CDK15: variants seen among roughly 807,000 people sequenced by gnomAD.
CDK15 encodes cyclin dependent kinase 15.
In CDK15, 62 loss-of-function variants were observed where a neutral mutation model predicts 60.3. The ratio of observed to expected loss-of-function variants is 1.03; its 90% CI spans 0.84 to 1.27. The LOEUF (loss-of-function observed/expected upper bound fraction) is 1.27. CDK15 is among the 50% of genes most tolerant of loss of function. The pLI is 0.00. For synonymous variants in CDK15, 194 were observed against 195.7 expected, an observed-to-expected ratio of 0.99 and a Z score of 0.07; for missense variants, 541 against 527.8, an observed-to-expected ratio of 1.03 and a Z score of -0.25.
chr2:201,847,584 C>T (rs1697726995), intron 9 of CDK15, 110 bp downstream of exon 9: 1 of 868,752 alleles, frequency 1.2e-6, no homozygotes. Context: ...ATATTAAGCC[C>T]TATATTAAGA....
At chr2:201,834,069 G>A in intron 7 of CDK15, 98 bp downstream of exon 7, 1 of 1,401,774 alleles carries the variant, frequency 7.1e-7, no homozygotes, top group Non-Finnish European at 9.6e-7. Flanking sequence ...GAAAACTGGA[G>A]GCCCAAGAAC....
chr2:201,883,239 C>A (rs1699343718), intron 12 of CDK15, among the ~76,000 whole-genome samples: 1 of 152,070 alleles, frequency 6.6e-6, no homozygotes, highest in South Asian at 2.1e-4. Flanking sequence ...TATTCTGTTT[C>A]CCCTTTGATC....
intron 10 of CDK15, chr2:201,860,614 A>T: frequency 1.0e-6 from 1 of 997,052 alleles, no homozygotes; most frequent in South Asian, 1.6e-5. Context: ...ACGTAATGAA[A>T]ATCAAAAGGC....
chr2:201,887,023 A>G (rs917491302), intron 12 of CDK15, among the ~76,000 whole-genome samples: 8 of 152,182 alleles, frequency 5.3e-5, no homozygotes, highest in African/African-American at 1.2e-4. Context: ...AATAGGGGGG[A>G]AAACCCTAAA....
At chr2:201,819,234 C>T (rs968420404) in intron 4 of CDK15, among the ~76,000 whole-genome samples, 3 of 151,916 alleles carry the variant, frequency 2.0e-5, no homozygotes, top group African/African-American at 4.8e-5. Flanking sequence ...ATCACTTGAG[C>T]GGAGGCTCTG....
intron 12 of CDK15, among the ~76,000 whole-genome samples, chr2:201,884,473 A>G (rs1699388415): frequency 6.6e-6 from 1 of 152,230 alleles, no homozygotes; most frequent in South Asian, 2.1e-4. Flanking sequence ...CTATACTCCG[A>G]AAGTTCTTCA....
At chr2:201,853,121 G>A (rs1229080771) in intron 9 of CDK15, among the ~76,000 whole-genome samples, 1 of 152,122 alleles carries the variant, frequency 6.6e-6, no homozygotes, top group African/African-American at 2.4e-5. Flanking sequence ...TAAGATGGTA[G>A]GTTAAAAAAA....
At chr2:201,810,051 C>CAA (rs113542168) in intron 3 of CDK15, among the ~76,000 whole-genome samples, 4 of 119,680 alleles carry the variant, frequency 3.3e-5, no homozygotes, top group South Asian at 2.6e-4. Context: ...GACACTGTCT[C>CAA]AAAAAAAAAA....
chr2:201,836,127 T>TTATATA (rs1697059306), intron 8 of CDK15, among the ~76,000 whole-genome samples: 9 of 61,614 alleles, frequency 1.5e-4, no homozygotes, highest in Admixed American at 2.2e-4. Context: ...TATTATATAT[T>TTATATA]TTATATATTT....
intron 10 of CDK15, among the ~76,000 whole-genome samples, chr2:201,864,607 C>T (rs767279686): frequency 1.3e-4 from 20 of 152,336 alleles, no homozygotes; most frequent in Non-Finnish European, 2.6e-4. Flanking sequence ...GCATAAGCCA[C>T]CGTGCCTGCC....
In CDK15 at chr2:201,811,479, C is replaced by T. The variant is rs571117538; in HGVS notation, c.369-1004C>T. Among the ~76,000 whole-genome samples, 54 of 152,212 alleles carry T rather than the reference C, an allele frequency of 3.5e-4. No homozygotes were observed. The South Asian group carries it at 6.6e-3, about 19-fold the overall frequency. On this transcript the variant is annotated intron_variant, in intron 3 of 13. Transcript: ENST00000652192. ...GAAATGTTAAATCTTTATTAAATAT[C>T]GGATTGTACAAGAATGAACTATAAG... is the stretch of plus-strand genomic sequence containing the variant.
Position 201,883,996 on chromosome 2 carries a change from G to A in CDK15, c.1198+3829G>A, listed in dbSNP as rs554506300. On this transcript the variant is annotated intron_variant, in intron 12 of 13. Transcript: ENST00000652192. Reference sequence around the variant, plus strand: ...GCTGCCCCTTCTTAAAACTGGCTCCGCTCTGTTCTTTCAGGAAACCTTCCA... The same window carrying A: ...GCTGCCCCTTCTTAAAACTGGCTCCACTCTGTTCTTTCAGGAAACCTTCCA... Among the ~76,000 whole-genome samples, 368 of 152,294 alleles carry A rather than the reference G, an allele frequency of 2.4e-3. 2 individuals are homozygous for A. Among genetic ancestry groups the A allele is most frequent in the Non-Finnish European group, 4.1e-3 (281 of 68,020 alleles).
intron 8 of CDK15, among the ~76,000 whole-genome samples, chr2:201,845,005 C>T (rs1332206433): frequency 6.6e-6 from 1 of 151,914 alleles, no homozygotes; most frequent in African/African-American, 2.4e-5. Flanking sequence ...AAAAATTAGC[C>T]AGGCATGCTG....
chr2:201,829,094 G>A (rs1051666298), intron 6 of CDK15, among the ~76,000 whole-genome samples: 30 of 152,126 alleles, frequency 2.0e-4, no homozygotes, highest in African/African-American at 4.8e-5. Context: ...GCCATTAAAT[G>A]GTTTTAAACA....
At chr2:201,878,314 TCC>T (rs1050186920) in intron 11 of CDK15, among the ~76,000 whole-genome samples, 2 of 151,474 alleles carry the variant, frequency 1.3e-5, no homozygotes, top group Non-Finnish European at 3.0e-5. Context: ...CAGGCCTCTC[TCC>T]CCATTTTTGT....
At position 201,881,053 on chromosome 2, in the gene CDK15, G is replaced by A. The variant is rs535124519; in HGVS notation, c.1198+886G>A. On this transcript the variant is annotated intron_variant, in intron 12 of 13. Coordinates refer to ENST00000652192, the MANE Select transcript of CDK15 (RefSeq NM_001366386.2). ...GGGAGGGCCTAAGGGCTGGAACTGC[G>A]ATGAGGACACTGGAAGGGGCGTGGG... is the stretch of plus-strand genomic sequence containing the variant. Among the ~76,000 whole-genome samples the A allele has an allele frequency of 1.9e-4, 29 of 152,262 alleles. No individual in the cohort carries two copies. The South Asian group carries it at 3.1e-3, about 16-fold the overall frequency.
intron 8 of CDK15, among the ~76,000 whole-genome samples, chr2:201,842,361 T>C (rs891015468): frequency 1.3e-5 from 2 of 152,192 alleles, no homozygotes; most frequent in African/African-American, 2.4e-5. Flanking sequence ...ATCTATTCAG[T>C]ATCAGTTTCA....
At chr2:201,807,777 G>A in intron 2 of CDK15, 81 bp from the exon 3 acceptor site, 1 of 1,545,326 alleles carries the variant, frequency 6.5e-7, no homozygotes, top group African/African-American at 1.4e-5. Flanking sequence ...ATTTCCCTGG[G>A]GAAAAAAAGT....
chr2:201,893,267 A>G (rs1412775842), intron 13 of CDK15, 34 bp from the exon 14 acceptor site: 1 of 152,118 alleles, frequency 6.6e-6, no homozygotes, highest in Non-Finnish European at 1.5e-5. Flanking sequence ...GTTGTTCATT[A>G]TTTTGATTGT....
Sources: allele counts gnomAD v4.1 joint callset (sites outside exome capture counted in the v4.1 genomes callset), GRCh38; gene constraint gnomAD v4.1.1; transcripts MANE v1.5; gene names NCBI Gene and HGNC (gene_info 2026-07-23, HGNC 2026-07-21).